The following ABCC9 variants were observed in gnomAD, a reference collection of about 807,000 sequenced individuals.
ABCC9 encodes the protein ATP-binding cassette sub-family C member 9.
A neutral mutation model predicts 188.3 loss-of-function variants in ABCC9; 95 were observed. That is an observed-to-expected ratio of 0.50 (90% confidence interval 0.43 to 0.60). The LOEUF (loss-of-function observed/expected upper bound fraction) is 0.60. Ranked by LOEUF, ABCC9 falls within the 20% of genes least tolerant of loss-of-function variation. The pLI is 0.00. For synonymous variants in ABCC9, 659 were observed against 652.7 expected (o/e 1.01, Z -0.15); for missense variants, 1,102 against 1,876.3 (o/e 0.59, Z 7.62).
chr12:21,877,104 G>T (rs1229675483), intron 16 of ABCC9, among the ~76,000 whole-genome samples: 2 of 152,140 alleles, frequency 1.3e-5, no homozygotes, highest in Non-Finnish European at 1.5e-5. Context: ...CTGTTTGAGG[G>T]ACTGTGTTAG....
chr12:21,848,363 G>A (rs978967657), intron 24 of ABCC9, 117 bp from the exon 25 acceptor site: 28 of 851,266 alleles, frequency 3.3e-5, no homozygotes, highest in Non-Finnish European at 4.8e-5. Flanking sequence ...AGCGCTCTGT[G>A]CTCACTCTGG....
intron 19 of ABCC9, 23 bp from the exon 20 acceptor site, chr12:21,863,077 A>G (rs1374944234): frequency 1.3e-6 from 2 of 1,507,928 alleles, no homozygotes; most frequent in Non-Finnish European, 1.8e-6. Context: ...AAAGAAAAAA[A>G]AAAACACCAG....
chr12:21,829,086 AACC>A (rs770892160), intron 30 of ABCC9, 26 bp from the exon 31 acceptor site: 20 of 1,534,392 alleles, frequency 1.3e-5, no homozygotes, highest in Non-Finnish European at 1.8e-5. Flanking sequence ...ACACGATGTT[AACC>A]ACACAACAGG....
At position 21,902,926 on chromosome 12, in the gene ABCC9, G is replaced by T. The variant is rs529894573; in HGVS notation, c.1618+3200C>A. Among the ~76,000 whole-genome samples, 9 of 152,154 alleles carry T rather than the reference G, an allele frequency of 5.9e-5. No homozygotes were observed. The South Asian group carries it at 1.7e-3, about 28-fold the overall frequency. On this transcript the variant is annotated intron_variant, in intron 12 of 39. Transcript: ENST00000261200. ...ATCAATAGAAAAAGAGGGAATCCTCGCTAATTCATTTTATGAGGCCAGCAT... is the reference window on the plus strand; with the variant it reads ...ATCAATAGAAAAAGAGGGAATCCTCTCTAATTCATTTTATGAGGCCAGCAT...
intron 22 of ABCC9, among the ~76,000 whole-genome samples, chr12:21,855,342 C>T (rs1272768300): frequency 6.6e-6 from 1 of 152,142 alleles, no homozygotes; most frequent in Non-Finnish European, 1.5e-5. Context: ...GCCTCAGCCT[C>T]CCAACTTACT....
intron 24 of ABCC9, among the ~76,000 whole-genome samples, chr12:21,848,922 T>C (rs778252051): frequency 3.3e-5 from 5 of 152,258 alleles, no homozygotes; most frequent in Non-Finnish European, 2.9e-5. Context: ...GCTGTGAACT[T>C]TATCCTGTAG....
intron 8 of ABCC9, among the ~76,000 whole-genome samples, chr12:21,911,439 GATAA>G (rs1948318770): frequency 6.6e-6 from 1 of 151,776 alleles, no homozygotes; most frequent in Non-Finnish European, 1.5e-5. Flanking sequence ...ATGCTAATAA[GATAA>G]ATAATAAATT....
At chr12:21,854,427 T>C (rs559586146) in intron 22 of ABCC9, among the ~76,000 whole-genome samples, 1 of 152,320 alleles carries the variant, frequency 6.6e-6, no homozygotes, top group Non-Finnish European at 1.5e-5. Context: ...AAAAAATCAG[T>C]CTGCTGGATA....
rs760889253 is a variant in ABCC9, at chr12:21,882,807, G to T, written c.1978C>A (p.Arg660=). 1 of 1,613,960 alleles carries T rather than the reference G, an allele frequency of 6.2e-7. No individual in the cohort carries two copies. The highest frequency in any genetic ancestry group is 8.5e-7 in the Non-Finnish European group (1 of 1,179,906). The change falls in exon 16 of 40, where the codon CGG becomes AGG. Residue 660 remains arginine (R), a synonymous_variant. Coordinates refer to ENST00000261200, the MANE Select transcript of ABCC9 (RefSeq NM_020297.4). ...TCTGTTTCTGCGGGACGTAGACGCC[G>T]TGTTGATTGCTCATAGCTGTCCAGG... ...YHLDSYEQST[R]RLRPAETEDI... is the part of the protein sequence containing the mutation.
At chr12:21,881,011 C>T (rs1195671262) in intron 16 of ABCC9, among the ~76,000 whole-genome samples, 1 of 152,012 alleles carries the variant, frequency 6.6e-6, no homozygotes, top group Non-Finnish European at 1.5e-5. Context: ...GTGAATTACA[C>T]ATACATAGTG....
At chr12:21,936,720 A>G in intron 2 of ABCC9, 26 bp from the exon 3 acceptor site, 1 of 1,530,088 alleles carries the variant, frequency 6.5e-7, no homozygotes, top group Non-Finnish European at 9.0e-7. Flanking sequence ...ATGAGAAAGA[A>G]AAATCCTCTT....
intron 38 of ABCC9, 139 bp from the exon 39 acceptor site, chr12:21,806,199 G>A: frequency 1.3e-6 from 1 of 742,986 alleles, no homozygotes; most frequent in Non-Finnish European, 2.3e-6. Context: ...ATAAGAAGGG[G>A]CAGTCCCCAG....
At chr12:21,805,125 A>G (rs1288760367) in intron 39 of ABCC9, 3 of 1,612,648 alleles carry the variant, frequency 1.9e-6, no homozygotes, top group African/African-American at 2.7e-5. Context: ...GGATACTGCT[A>G]AGATAACTAC....
chr12:21,845,598 T>C lies in ABCC9; in HGVS notation c.3096+5A>G, dbSNP rs778149377. On this transcript the variant is annotated splice_donor_5th_base_variant and intron_variant, in intron 26 of 39. Coordinates refer to ENST00000261200, the MANE Select transcript of ABCC9 (RefSeq NM_020297.4). ...GATTTAAAAACAAAACCGAACCAAT[T>C]GTACCTGATCAGCTTTTCCAGTATT... 1 of 1,612,196 alleles carries C rather than the reference T, an allele frequency of 6.2e-7. No individual in the cohort carries two copies. Among genetic ancestry groups the C allele is most frequent in the South Asian group, 1.1e-5 (1 of 91,012 alleles).
At position 21,933,907 on chromosome 12, in the gene ABCC9, GC is replaced by G. The variant is rs1592270242; in HGVS notation, c.158del (p.Ser53ThrfsTer19). On this transcript the variant is annotated frameshift_variant, in exon 4 of 40. Coordinates refer to ENST00000261200, the MANE Select transcript of ABCC9 (RefSeq NM_020297.4). LOFTEE classifies it high-confidence loss of function. ...TGTTGTGGTGAATTTGTACTTTTGA[GC>G]TTTGGCTCCCCCACCCTGGAAAAGA... ...PILFIGWGSQSSKVQIHHNTW... is the reference protein window; with the variant it reads ...PILFIGWGSQXSKVQIHHNTW... The G allele has an allele frequency of 2.5e-6, 4 of 1,613,556 alleles. No individual in the cohort carries two copies. Among genetic ancestry groups the G allele is most frequent in the Non-Finnish European group, 3.4e-6 (4 of 1,179,612 alleles).
At chr12:21,868,962 A>G (rs1327577666) in intron 18 of ABCC9, among the ~76,000 whole-genome samples, 2 of 152,202 alleles carry the variant, frequency 1.3e-5, no homozygotes, top group East Asian at 3.9e-4. Flanking sequence ...TATCCTCTGA[A>G]TCTTCTTGAT....
intron 5 of ABCC9, chr12:21,923,826 T>A (rs1400110060): frequency 1.4e-6 from 1 of 700,576 alleles, no homozygotes; most frequent in Non-Finnish European, 2.6e-6. Context: ...AGAATGTTGA[T>A]AGCAGCTTTT....
intron 30 of ABCC9, among the ~76,000 whole-genome samples, chr12:21,830,351 A>T (rs921306049): frequency 1.3e-5 from 2 of 152,188 alleles, no homozygotes; most frequent in South Asian, 4.1e-4. Flanking sequence ...GAAGGTAGGG[A>T]AAATACCAAA....
chr12:21,851,128 C>A lies in ABCC9; in HGVS notation c.2769+969G>T, dbSNP rs959453852. Among the ~76,000 whole-genome samples, 26 of 151,962 alleles carry A rather than the reference C, an allele frequency of 1.7e-4. 1 individual carries two copies. Among genetic ancestry groups the A allele is most frequent in the Non-Finnish European group, 4.4e-5 (3 of 67,992 alleles). The stretch of plus-strand genomic sequence containing the variant: ...TTTCCTAATATTTTAAAGAAATTCA[C>A]TGGTACAAATATTTCATTTTGTAAA... On this transcript the variant is annotated intron_variant, in intron 24 of 39. Transcript: ENST00000261200.
Sources: gnomAD v4.1 joint callset for allele counts (sites outside exome capture counted in the v4.1 genomes callset) on GRCh38, gnomAD v4.1.1 for gene constraint, MANE v1.5 for transcripts, NCBI Gene and HGNC (gene_info 2026-07-23, HGNC 2026-07-21) for gene names.